ADGRL2: variants seen among roughly 807,000 people sequenced by gnomAD.
ADGRL2 encodes adhesion G protein-coupled receptor L2.
Under a neutral mutation model 157.4 loss-of-function variants are expected in ADGRL2, and 44 were observed. The observed-to-expected ratio is 0.28, with a 90% CI of 0.22 to 0.36. The LOEUF is 0.36. ADGRL2 is among the 10% of genes least tolerant of loss of function. The probability of loss-of-function intolerance (pLI) is 1.00; values close to 1 mark genes in which losing one functional copy is unlikely to be tolerated. For synonymous variants in ADGRL2, 585 were observed against 624.7 expected (o/e 0.94, Z 0.95); for missense variants, 1,510 against 1,768.9 (o/e 0.85, Z 2.63).
rs568904693 is a variant in ADGRL2, at chr1:81,956,588, A to G, written c.2017+528A>G. Among the ~76,000 whole-genome samples the G allele has an allele frequency of 1.8e-3, 277 of 152,314 alleles. 2 individuals are homozygous for G. The highest frequency in any genetic ancestry group is 6.5e-3 in the African/African-American group (269 of 41,576). Reference sequence around the variant, plus strand: ...CATAGATTGCAGAATAGCTACAGATAGTGTTGAAGCATAATTTAGAATTCA... The same window carrying G: ...CATAGATTGCAGAATAGCTACAGATGGTGTTGAAGCATAATTTAGAATTCA... On this transcript the variant is annotated intron_variant, in intron 11 of 23. Transcript: ENST00000686636.
At chr1:81,988,271 CA>C (rs1663766273) in intron 23 of ADGRL2, 1 of 152,352 alleles carries the variant, frequency 6.6e-6, no homozygotes, top group Admixed American at 6.6e-5. Flanking sequence ...ATAACCTCTT[CA>C]AAACCAGTCA....
chr1:81,357,364 T>G (rs1378100358), intron 1 of ADGRL2, among the ~76,000 whole-genome samples: 1 of 152,190 alleles, frequency 6.6e-6, no homozygotes, highest in East Asian at 1.9e-4. Flanking sequence ...TCCCCCAACC[T>G]GTAAGTTTTC....
At chr1:81,752,120 G>A (rs1205038291) in intron 1 of ADGRL2, among the ~76,000 whole-genome samples, 1 of 152,148 alleles carries the variant, frequency 6.6e-6, no homozygotes, top group Admixed American at 6.6e-5. Context: ...TAAGGGTGGA[G>A]CCTTAATGAA....
intron 2 of ADGRL2, among the ~76,000 whole-genome samples, chr1:81,528,209 T>C (rs1253806921): frequency 1.3e-5 from 2 of 152,220 alleles, no homozygotes; most frequent in Non-Finnish European, 2.9e-5. Context: ...ATTTATAAAT[T>C]AACCAGTTTT....
intron 1 of ADGRL2, among the ~76,000 whole-genome samples, chr1:81,319,016 A>ACCGCAACCTCCACCTCC (rs1553152916): frequency 7.5e-6 from 1 of 133,288 alleles, no homozygotes; most frequent in African/African-American, 2.9e-5. Context: ...ATCCCAGCTC[A>ACCGCAACCTCCACCTCC]CCGCAACCTC....
intron 1 of ADGRL2, among the ~76,000 whole-genome samples, chr1:81,444,225 T>C (rs2077560213): frequency 6.6e-6 from 1 of 152,210 alleles, no homozygotes; most frequent in Non-Finnish European, 1.5e-5. Context: ...GCAAGACAGG[T>C]AAACCTTTCC....
chr1:81,429,307 C>G (rs1057099454), intron 1 of ADGRL2, among the ~76,000 whole-genome samples: 17 of 151,962 alleles, frequency 1.1e-4, no homozygotes, highest in African/African-American at 4.1e-4. Flanking sequence ...ATCCAAGATA[C>G]TTGTACTCTA....
intron 3 of ADGRL2, among the ~76,000 whole-genome samples, chr1:81,605,268 T>A (rs567952342): frequency 1.3e-5 from 2 of 152,164 alleles, no homozygotes; most frequent in Non-Finnish European, 2.9e-5. Flanking sequence ...CTAAATGTGC[T>A]TGGTGTTTGT....
chr1:81,602,453 C>T lies in ADGRL2; in HGVS notation c.-143+21473C>T, dbSNP rs141727877. ...ACTAAAAATACAAAAAATAGCCCGG[C>T]GTGGTGGTGGGTGCCTGGAATTCCA... On this transcript the variant is annotated intron_variant, in intron 3 of 24. Transcript: ENST00000370721. Among the ~76,000 whole-genome samples the T allele has an allele frequency of 4.9e-3, 745 of 151,932 alleles. 7 individuals carry two copies. The highest frequency in any genetic ancestry group is 0.016 in the African/African-American group (678 of 41,430).
At chr1:81,404,045 C>A (rs373236730) in intron 1 of ADGRL2, among the ~76,000 whole-genome samples, 1 of 152,136 alleles carries the variant, frequency 6.6e-6, no homozygotes, top group Non-Finnish European at 1.5e-5. Flanking sequence ...ATCCGTCCAC[C>A]TCGGCCTCCC....
At chr1:81,642,382 T>C (rs918382740) in intron 3 of ADGRL2, among the ~76,000 whole-genome samples, 1 of 149,538 alleles carries the variant, frequency 6.7e-6, no homozygotes, top group Middle Eastern at 3.2e-3. Context: ...ATCATGCCAC[T>C]GCACTCCAGC....
At chr1:81,379,609 C>T (rs548879924) in intron 1 of ADGRL2, among the ~76,000 whole-genome samples, 4 of 152,162 alleles carry the variant, frequency 2.6e-5, no homozygotes, top group Non-Finnish European at 5.9e-5. Context: ...CAGGGCTCTC[C>T]TCCAACTGCC....
intron 2 of ADGRL2, among the ~76,000 whole-genome samples, chr1:81,786,987 G>T (rs1231879025): frequency 2.0e-5 from 3 of 152,132 alleles, no homozygotes; most frequent in Non-Finnish European, 4.4e-5. Flanking sequence ...TCATGGGGAT[G>T]GGGGTGGTTT....
chr1:81,879,931 G>A (rs2093943580), intron 2 of ADGRL2, among the ~76,000 whole-genome samples: 2 of 152,154 alleles, frequency 1.3e-5, no homozygotes, highest in African/African-American at 2.4e-5. Flanking sequence ...GGTGGCTGAG[G>A]CATGAGAATC....
At chr1:81,887,764 G>A (rs2094161057) in intron 2 of ADGRL2, among the ~76,000 whole-genome samples, 1 of 152,160 alleles carries the variant, frequency 6.6e-6, no homozygotes, top group South Asian at 2.1e-4. Context: ...TTGATATTCT[G>A]AGAGACTAAT....
chr1:81,642,572 C>A (rs1370103949), intron 3 of ADGRL2, among the ~76,000 whole-genome samples: 1 of 152,020 alleles, frequency 6.6e-6, no homozygotes, highest in African/African-American at 2.4e-5. Context: ...AAGCACCAGG[C>A]TCAGATGAAT....
intron 1 of ADGRL2, among the ~76,000 whole-genome samples, chr1:81,333,407 A>AT (rs879498260): frequency 0.01 from 1,196 of 118,098 alleles, 7 homozygotes; most frequent in African/African-American, 0.027. Flanking sequence ...TAATTAATTA[A>AT]TTAATTTATT....
intron 1 of ADGRL2, among the ~76,000 whole-genome samples, chr1:81,706,420 A>G (rs1439770487): frequency 6.6e-6 from 1 of 152,030 alleles, no homozygotes; most frequent in Non-Finnish European, 1.5e-5. Context: ...TGTAAATGTG[A>G]GAGGGAAGAT....
Position 81,394,473 on chromosome 1 carries a change from T to C in ADGRL2, c.-301-50563T>C, listed in dbSNP as rs888940400. 3.9e-5 allele frequency among the ~76,000 whole-genome samples: 6 copies of C among 152,238 alleles called. No individual in the cohort carries two copies. The East Asian group carries it at 5.8e-4, about 15-fold the overall frequency. ...TGAGAACATATGGTATCTATCTTTTTGTGACTGGCTTATTTGATTTAATGT... is the reference window on the plus strand; with the variant it reads ...TGAGAACATATGGTATCTATCTTTTCGTGACTGGCTTATTTGATTTAATGT... On this transcript the variant is annotated intron_variant, in intron 1 of 24. Coordinates refer to the ADGRL2 transcript ENST00000370721.
Sources: gnomAD v4.1 joint callset for allele counts (sites outside exome capture counted in the v4.1 genomes callset) on GRCh38, gnomAD v4.1.1 for gene constraint, MANE v1.5 for transcripts, NCBI Gene and HGNC (gene_info 2026-07-23, HGNC 2026-07-21) for gene names.